The following L3MBTL4 variants were observed in gnomAD, a reference collection of about 807,000 sequenced individuals.
L3MBTL4 encodes the protein lethal(3)malignant brain tumor-like protein 4.
Under a neutral mutation model 84.5 loss-of-function variants are expected in L3MBTL4, and 70 were observed. The observed-to-expected ratio is 0.83, with a 90% CI of 0.68 to 1.01. The LOEUF is 1.01. L3MBTL4 is among the 50% of genes least tolerant of loss of function. L3MBTL4 has a pLI of 0.00. For missense variants in L3MBTL4, 715 were observed against 754.8 expected, an observed-to-expected ratio of 0.95 and a Z score of 0.62; for synonymous variants, 274 against 259.8, an observed-to-expected ratio of 1.05 and a Z score of -0.52.
chr18:6,175,403 C>T (rs1458585633), intron 12 of L3MBTL4, among the ~76,000 whole-genome samples: 4 of 152,104 alleles, frequency 2.6e-5, no homozygotes, highest in Non-Finnish European at 4.4e-5. Context: ...AGAATACGCA[C>T]TTATAGATTT....
chr18:6,010,436 T>TA (rs1017352686), intron 16 of L3MBTL4, among the ~76,000 whole-genome samples: 12 of 152,100 alleles, frequency 7.9e-5, no homozygotes, highest in South Asian at 4.2e-4. Context: ...CTCAACTTAT[T>TA]AAAAAAAATG....
intron 12 of L3MBTL4, among the ~76,000 whole-genome samples, chr18:6,201,637 G>A (rs1396479595): frequency 6.6e-6 from 1 of 152,092 alleles, no homozygotes; most frequent in East Asian, 1.9e-4. Flanking sequence ...CATTCCCAAT[G>A]AAGTAAGGGA....
At chr18:6,078,455 A>AAAAG (rs1568079230) in intron 16 of L3MBTL4, among the ~76,000 whole-genome samples, 1 of 148,872 alleles carries the variant, frequency 6.7e-6, no homozygotes. Flanking sequence ...AAAAAAAAAA[A>AAAAG]GGGGAAAAAA....
intron 12 of L3MBTL4, among the ~76,000 whole-genome samples, chr18:6,176,415 T>C (rs1301472895): frequency 6.6e-6 from 1 of 152,134 alleles, no homozygotes; most frequent in African/African-American, 2.4e-5. Context: ...ATGCAGTCAA[T>C]TGATTTTCAA....
At chr18:6,272,228 C>T (rs370751997) in intron 4 of L3MBTL4, among the ~76,000 whole-genome samples, 1 of 152,026 alleles carries the variant, frequency 6.6e-6, no homozygotes, top group African/African-American at 2.4e-5. Context: ...AGGGGGAGGA[C>T]CCTGAGATAA....
intron 1 of L3MBTL4, among the ~76,000 whole-genome samples, chr18:6,336,701 G>A (rs1209839973): frequency 6.6e-6 from 1 of 152,148 alleles, no homozygotes; most frequent in Non-Finnish European, 1.5e-5. Flanking sequence ...GCAGAAAAAA[G>A]GGTGAACTCT....
At chr18:6,031,524 G>T in intron 16 of L3MBTL4, 11 of 983,434 alleles carry the variant, frequency 1.1e-5, no homozygotes, top group Non-Finnish European at 1.3e-5. Flanking sequence ...ACATCTGTTT[G>T]TCAGGAATTT....
chr18:5,960,061 CAT>C (rs1555617167), intron 18 of L3MBTL4, 31 bp downstream of exon 18: 1,077 of 368,666 alleles, frequency 2.9e-3, no homozygotes, highest in Middle Eastern at 6.4e-3. Flanking sequence ...TATATATATA[CAT>C]ATATATATAT....
chr18:6,263,881 T>C (rs1005430519), intron 5 of L3MBTL4, 66 bp downstream of exon 5: 1 of 1,096,534 alleles, frequency 9.1e-7, no homozygotes, highest in African/African-American at 1.5e-5. Context: ...AGGAAAGTCA[T>C]TTCATTTAAA....
At chr18:6,015,890 G>A (rs746663312) in intron 16 of L3MBTL4, among the ~76,000 whole-genome samples, 5 of 152,326 alleles carry the variant, frequency 3.3e-5, no homozygotes, top group Non-Finnish European at 5.9e-5. Flanking sequence ...AATCCGGGAC[G>A]CGGAGGTTGC....
chr18:6,008,280 G>A (rs1598421028), intron 16 of L3MBTL4, among the ~76,000 whole-genome samples: 1 of 152,158 alleles, frequency 6.6e-6, no homozygotes, highest in East Asian at 1.9e-4. Context: ...GGAAGGCTGT[G>A]ACCTCGGCCT....
intron 4 of L3MBTL4, among the ~76,000 whole-genome samples, chr18:6,294,714 C>CAAAAA (rs139320981): frequency 1.3e-5 from 2 of 151,610 alleles, no homozygotes; most frequent in South Asian, 2.1e-4. Flanking sequence ...CTCAATCAAT[C>CAAAAA]AAAACAAAAC....
chr18:6,188,015 CATT>C (rs1351084039), intron 12 of L3MBTL4, among the ~76,000 whole-genome samples: 1 of 151,238 alleles, frequency 6.6e-6, no homozygotes, highest in Non-Finnish European at 1.5e-5. Context: ...AAAAAAAAAT[CATT>C]GTTGTCCAGC....
In L3MBTL4 at chr18:6,072,865, C is replaced by CAAAA. The variant is rs71370542; in HGVS notation, c.1444+8012_1444+8015dup. 1.3e-3 allele frequency among the ~76,000 whole-genome samples: 4 copies of CAAAA among 3,066 alleles called. 1 individual carries two copies. Among genetic ancestry groups the CAAAA allele is most frequent in the Non-Finnish European group, 1.1e-3 (3 of 2,648 alleles). The allele number at this position is 3,066 out of a possible 152,430, so 2.0% of individuals were successfully genotyped here. A position where few individuals can be genotyped will look rare whatever the true frequency, so the allele number is the denominator to read the frequency against. On this transcript the variant is annotated intron_variant, in intron 16 of 18. Transcript: ENST00000317931. ...GGTGACAGAGAGAGAGACTCCGTCT[C>CAAAA]AAAAAAAAAAAAAAAAATATATATA...
chr18:6,003,331 T>C (rs187958048), intron 16 of L3MBTL4, among the ~76,000 whole-genome samples: 7 of 151,630 alleles, frequency 4.6e-5, no homozygotes, highest in Admixed American at 2.6e-4. Flanking sequence ...GATATATTAA[T>C]AAAAGGTAAA....
intron 4 of L3MBTL4, among the ~76,000 whole-genome samples, chr18:6,281,477 G>A (rs2049318635): frequency 1.3e-5 from 2 of 152,104 alleles, no homozygotes; most frequent in South Asian, 2.1e-4. Context: ...TAACAAATCA[G>A]GTAACCATTT....
At chr18:5,984,596 T>G (rs989022088) in intron 16 of L3MBTL4, among the ~76,000 whole-genome samples, 4 of 152,238 alleles carry the variant, frequency 2.6e-5, no homozygotes, top group Non-Finnish European at 5.9e-5. Context: ...TTTTAAAATA[T>G]TCCAGAGGTA....
rs922709117 is a variant in L3MBTL4 at position 6,111,289 on chromosome 18, A to C, written c.1200-17761T>G. Among the ~76,000 whole-genome samples, 5 of 152,238 alleles carry C rather than the reference A, an allele frequency of 3.3e-5. No individual in the cohort carries two copies. The East Asian group carries it at 9.6e-4, about 29-fold the overall frequency. ...GTTGTACAACTCTGTGAATTCATTA[A>C]AAACCATTGAATGGGTGTAAATAAC... On this transcript the variant is annotated intron_variant, in intron 14 of 18. Transcript: ENST00000317931.
At position 6,139,270 on chromosome 18, in the gene L3MBTL4, C is replaced by A. The variant is rs115159198; in HGVS notation, c.1097-974G>T. ...ATATACTACACTGTACTATAAGCTA[C>A]AGTGTACTATATACTATACTCTATG... On this transcript the variant is annotated intron_variant, in intron 13 of 18. Transcript: ENST00000317931. Among the ~76,000 whole-genome samples, 763 of 152,172 alleles carry A rather than the reference C, an allele frequency of 5.0e-3. 8 individuals carry two copies. Among genetic ancestry groups the A allele is most frequent in the African/African-American group, 0.017 (715 of 41,484 alleles).
Sources: allele counts gnomAD v4.1 joint callset (sites outside exome capture counted in the v4.1 genomes callset), GRCh38; gene constraint gnomAD v4.1.1; transcripts MANE v1.5; gene names NCBI Gene and HGNC (gene_info 2026-07-23, HGNC 2026-07-21).